Variants in RBFOX3 observed in about 807,000 individuals in gnomAD.
The protein encoded by RBFOX3 is RNA binding fox-1 homolog 3.
A neutral mutation model predicts 48.7 loss-of-function variants in RBFOX3; 17 were observed. That is an observed-to-expected ratio of 0.35 (90% CI 0.24 to 0.52). RBFOX3 has a LOEUF of 0.52. Among genes scored for constraint, RBFOX3 ranks in the 20% least tolerant of loss-of-function variants. RBFOX3 has a pLI of 0.94. For synonymous variants in RBFOX3, 212 were observed against 209.5 expected (o/e 1.01, Z -0.10); for missense variants, 382 against 497.5 (o/e 0.77, Z 2.21).
chr17:79,096,575 A>G, intron 12 of RBFOX3, 78 bp downstream of exon 12: 1 of 1,282,448 alleles, frequency 7.8e-7, no homozygotes, highest in Non-Finnish European at 1.1e-6. Flanking sequence ...GCGGGCAGTG[A>G]GAGAGGAGAC....
chr17:79,567,949 G>A (rs1166528527), intron 1 of RBFOX3, among the ~76,000 whole-genome samples: 1 of 152,194 alleles, frequency 6.6e-6, no homozygotes, highest in Non-Finnish European at 1.5e-5. Context: ...TGTCTATTAA[G>A]AGATGGTTTG....
At chr17:79,261,738 C>T (rs997899179) in intron 3 of RBFOX3, among the ~76,000 whole-genome samples, 51 of 152,222 alleles carry the variant, frequency 3.4e-4, no homozygotes, top group Admixed American at 3.3e-3. Flanking sequence ...CACTGGTCGC[C>T]ACGGGGACCT....
At chr17:79,455,466 G>A (rs1234310471) in intron 2 of RBFOX3, among the ~76,000 whole-genome samples, 1 of 152,160 alleles carries the variant, frequency 6.6e-6, no homozygotes, top group Non-Finnish European at 1.5e-5. Flanking sequence ...GAAATGGCCA[G>A]GCAGGACTCC....
intron 1 of RBFOX3, among the ~76,000 whole-genome samples, chr17:79,492,864 T>C (rs2080894834): frequency 6.6e-6 from 1 of 151,884 alleles, no homozygotes; most frequent in Non-Finnish European, 1.5e-5. Flanking sequence ...CAGGAGGCAG[T>C]GGTGGGAGAG....
the RBFOX3 span, among the ~76,000 whole-genome samples, chr17:79,629,914 C>T: frequency 6.6e-6 from 1 of 152,192 alleles, no homozygotes; most frequent in Non-Finnish European, 1.5e-5. Flanking sequence ...CCCCAGGCCT[C>T]CGAAGCAGGC....
intron 1 of RBFOX3, among the ~76,000 whole-genome samples, chr17:79,514,559 C>A (rs1402469781): frequency 6.6e-6 from 1 of 152,240 alleles, no homozygotes; most frequent in South Asian, 2.1e-4. Context: ...AACCACACAG[C>A]GATATCCTGC....
At chr17:79,575,194 C>T (rs1472838158) in intron 1 of RBFOX3, among the ~76,000 whole-genome samples, 2 of 152,184 alleles carry the variant, frequency 1.3e-5, no homozygotes, top group African/African-American at 4.8e-5. Flanking sequence ...TCAACGCACA[C>T]CCAGCAATTA....
rs1350159438 is a variant in RBFOX3, at chr17:79,477,697, C to T, written c.-175+4757G>A. Among the ~76,000 whole-genome samples, 1 of 152,150 alleles carries T rather than the reference C, an allele frequency of 6.6e-6. No homozygotes were observed. Among genetic ancestry groups the T allele is most frequent in the Non-Finnish European group, 1.5e-5 (1 of 68,032 alleles). On this transcript the variant is annotated intron_variant, in intron 2 of 14. Transcript: ENST00000693108. The surrounding 1 kb of genome is among the most constrained non-coding windows in gnomAD (Gnocchi z 4.8). Reference sequence around the variant, plus strand: ...CTCTGGTGGTGAACAAGCAAAGGGGCAGGGTGGCAGAATTAGGCAGGATCA... The same window carrying T: ...CTCTGGTGGTGAACAAGCAAAGGGGTAGGGTGGCAGAATTAGGCAGGATCA...
At chr17:79,664,263 T>C in the RBFOX3 span, among the ~76,000 whole-genome samples, 1 of 150,946 alleles carries the variant, frequency 6.6e-6, no homozygotes. Flanking sequence ...CAACCTCCAC[T>C]TTCCAGATTC....
At chr17:79,117,277 C>G (rs2034312836) in intron 4 of RBFOX3, among the ~76,000 whole-genome samples, 1 of 152,208 alleles carries the variant, frequency 6.6e-6, no homozygotes. Context: ...GTGGATGGGT[C>G]TGACGCTCAG....
At chr17:79,517,444 C>CAA (rs1231600861) in intron 1 of RBFOX3, among the ~76,000 whole-genome samples, 2,019 of 94,720 alleles carry the variant, frequency 0.021, 52 homozygotes, top group African/African-American at 0.062. Flanking sequence ...GAGTCTGTCT[C>CAA]AAAAAAAAAA....
intron 1 of RBFOX3, among the ~76,000 whole-genome samples, chr17:79,530,007 C>T (rs1555786906): frequency 6.6e-6 from 1 of 152,220 alleles, no homozygotes. Context: ...TACAACCTGG[C>T]CCTTGACAGA....
intron 3 of RBFOX3, among the ~76,000 whole-genome samples, chr17:79,277,309 G>GA (rs1462007613): frequency 7.0e-6 from 1 of 142,010 alleles, no homozygotes; most frequent in African/African-American, 2.6e-5. Context: ...GGGGAGGGGG[G>GA]GGGTAGTGCT....
chr17:79,280,734 G>A (rs2070224386), intron 3 of RBFOX3, among the ~76,000 whole-genome samples: 1 of 151,536 alleles, frequency 6.6e-6, no homozygotes. Context: ...TATCAAAGCT[G>A]AGCACAATGA....
At chr17:79,156,058 C>A (rs536676436) in intron 4 of RBFOX3, among the ~76,000 whole-genome samples, 101 of 152,358 alleles carry the variant, frequency 6.6e-4, no homozygotes, top group African/African-American at 2.4e-3. Context: ...GCCTAGCCAT[C>A]CCCTGGTGCC....
intron 10 of RBFOX3, 23 bp from the exon 11 acceptor site, chr17:79,097,447 C>T: frequency 6.5e-7 from 1 of 1,532,264 alleles, no homozygotes; most frequent in Non-Finnish European, 8.8e-7. Context: ...GGGCCCGAGA[C>T]ACGTGTGAGA....
chr17:79,616,407 G>C, the RBFOX3 span, among the ~76,000 whole-genome samples: 1 of 151,884 alleles, frequency 6.6e-6, no homozygotes, highest in Admixed American at 6.6e-5. Context: ...GAAGTGGAGG[G>C]CACCTATAAT....
At chr17:79,164,473 G>A (rs1417777681) in intron 4 of RBFOX3, among the ~76,000 whole-genome samples, 2 of 152,166 alleles carry the variant, frequency 1.3e-5, no homozygotes, top group African/African-American at 2.4e-5. Flanking sequence ...GCTCCTGGGG[G>A]TGGGCGGCAC....
intron 1 of RBFOX3, among the ~76,000 whole-genome samples, chr17:79,592,956 G>T (rs1363493170): frequency 1.3e-5 from 2 of 152,072 alleles, no homozygotes; most frequent in African/African-American, 4.8e-5. Context: ...CTGCACTCCT[G>T]ACCTGGCAGA....
Sources: allele counts gnomAD v4.1 joint callset (sites outside exome capture counted in the v4.1 genomes callset), GRCh38; gene constraint gnomAD v4.1.1; non-coding constraint Gnocchi (gnomAD v3.1); transcripts MANE v1.5; gene names NCBI Gene and HGNC (gene_info 2026-07-23, HGNC 2026-07-21).